The following RIMBP2 variants were observed in gnomAD, a reference collection of about 807,000 sequenced individuals.
The protein encoded by RIMBP2 is RIMS binding protein 2, also known as RIMS-binding protein 2.
A neutral mutation model predicts 118.6 loss-of-function variants in RIMBP2; 48 were observed. The observed-to-expected ratio is 0.40, with a 90% confidence interval of 0.32 to 0.51. The LOEUF (loss-of-function observed/expected upper bound fraction) is 0.51. RIMBP2 is among the 20% of genes least tolerant of loss of function. The pLI, the probability that RIMBP2 is intolerant of heterozygous loss-of-function variation, is 0.41. For synonymous variants in RIMBP2, 762 were observed against 742.9 expected, an observed-to-expected ratio of 1.03 and a Z score of -0.42; for missense variants, 1,551 against 1,768.3, an observed-to-expected ratio of 0.88 and a Z score of 2.20.
chr12:130,414,112 A>G lies in RIMBP2; in HGVS notation c.3420+13T>C, dbSNP rs769963601. 4 of 1,613,912 alleles carry G rather than the reference A, an allele frequency of 2.5e-6. No individual in the cohort carries two copies. Among genetic ancestry groups the G allele is most frequent in the Admixed American group, 1.7e-5 (1 of 60,020 alleles). ...GGGGCTGATGAAGCCGCCCGCAGGC[A>G]GCCATCCCGCACCTTGATGATCTGG... On this transcript the variant is annotated intron_variant, in intron 18 of 22. Transcript: ENST00000690449.
intron 1 of RIMBP2, among the ~76,000 whole-genome samples, chr12:130,675,060 G>A (rs747961968): frequency 1.3e-5 from 2 of 152,128 alleles, no homozygotes; most frequent in African/African-American, 2.4e-5. Context: ...CCACCCATTC[G>A]TGTCAAAGAG....
intron 2 of RIMBP2, among the ~76,000 whole-genome samples, chr12:130,529,814 T>C (rs968997184): frequency 7.2e-5 from 11 of 152,026 alleles, no homozygotes; most frequent in Non-Finnish European, 1.6e-4. Context: ...GGCATTAGGT[T>C]CTCATAAGGA....
chr12:130,597,276 C>G (rs1349140303), intron 2 of RIMBP2, among the ~76,000 whole-genome samples: 1 of 152,234 alleles, frequency 6.6e-6, no homozygotes, highest in Admixed American at 6.5e-5. Flanking sequence ...CGGAGTCTCG[C>G]TCTGTCTCCC....
Position 130,424,163 on chromosome 12 carries a change from G to A in RIMBP2, c.3108C>T (p.Pro1036=). ...RAAAPHAKPP[P]RVAQGPLILG... ...ACACCAGGGGGCCTTGTGCGACTCT[G>A]GGAGGTGGCTTTGCGTGGGGGGCAG... is the stretch of plus-strand genomic sequence containing the variant. Residue 1036 remains proline, a synonymous_variant, in exon 16 of 23, where the codon CCC becomes CCT. Transcript: ENST00000690449. The surrounding 1 kb of genome is among the most constrained non-coding windows in gnomAD (Gnocchi z 9.8). The A allele has an allele frequency of 8.1e-7, 1 of 1,232,100 alleles. No homozygotes were observed. The highest frequency in any genetic ancestry group is 1.0e-6 in the Non-Finnish European group (1 of 987,936). 76.3% of individuals were successfully genotyped at this position (1,232,100 alleles called of 1,614,324 possible).
At chr12:130,709,644 G>A (rs975485352) in intron 1 of RIMBP2, among the ~76,000 whole-genome samples, 2 of 152,178 alleles carry the variant, frequency 1.3e-5, no homozygotes, top group Non-Finnish European at 2.9e-5. Flanking sequence ...CGTCCAAGGA[G>A]GTACAGGGGC....
chr12:130,566,861 C>T (rs1443094744), intron 2 of RIMBP2, among the ~76,000 whole-genome samples: 1 of 152,222 alleles, frequency 6.6e-6, no homozygotes, highest in Non-Finnish European at 1.5e-5. Flanking sequence ...CAATACCATG[C>T]TGCTCAATGT....
intron 17 of RIMBP2, among the ~76,000 whole-genome samples, chr12:130,417,137 A>T (rs903237550): frequency 3.3e-5 from 5 of 152,196 alleles, no homozygotes; most frequent in Non-Finnish European, 5.9e-5. Context: ...TGTATATACC[A>T]TTGGAGGGAA....
At chr12:130,464,863 G>T (rs1804467792) in intron 6 of RIMBP2, 1 of 152,268 alleles carries the variant, frequency 6.6e-6, no homozygotes, top group Non-Finnish European at 1.5e-5. Context: ...AGCCAGGCAG[G>T]GCTGGTTCCC....
chr12:130,502,907 C>T (rs928193009), intron 4 of RIMBP2, among the ~76,000 whole-genome samples: 10 of 152,118 alleles, frequency 6.6e-5, no homozygotes, highest in Admixed American at 1.3e-4. Context: ...CCGATGTACC[C>T]CTTTCCCTTG....
chr12:130,471,205 G>A (rs1452016739), intron 5 of RIMBP2, among the ~76,000 whole-genome samples: 2 of 152,356 alleles, frequency 1.3e-5, no homozygotes, highest in East Asian at 3.9e-4. Flanking sequence ...CTGTGGCAGG[G>A]CCGCCCTCTT....
rs578005446 is a variant in RIMBP2 at position 130,622,471 on chromosome 12, C to T, written c.-217+5851G>A. 6.6e-6 allele frequency among the ~76,000 whole-genome samples: 1 copy of T among 151,926 alleles called. No homozygotes were observed. Among genetic ancestry groups the T allele is most frequent in the Non-Finnish European group, 1.5e-5 (1 of 67,980 alleles). ...CACTAATTGTACGTATAATTCTCTA[C>T]TATTTTTCATATATTTATATATAAT... On this transcript the variant is annotated intron_variant, in intron 2 of 22. Coordinates refer to ENST00000690449, the MANE Select transcript of RIMBP2 (RefSeq NM_001393629.1). The surrounding 1 kb of genome is among the most constrained non-coding windows in gnomAD (Gnocchi z 8.5).
intron 15 of RIMBP2, chr12:130,425,126 C>T (rs2136783665): frequency 5.8e-6 from 2 of 345,658 alleles, no homozygotes; most frequent in South Asian, 1.5e-4. Context: ...TGCATCCAGC[C>T]AAGGAGAGGG....
At chr12:130,461,418 C>A (rs968386414) in intron 6 of RIMBP2, among the ~76,000 whole-genome samples, 9 of 152,210 alleles carry the variant, frequency 5.9e-5, no homozygotes, top group Admixed American at 4.6e-4. Flanking sequence ...TCCAAAGGGG[C>A]CGGTGCCTCG....
intron 2 of RIMBP2, among the ~76,000 whole-genome samples, chr12:130,597,797 A>C (rs2059642582): frequency 6.6e-6 from 1 of 152,224 alleles, no homozygotes; most frequent in Non-Finnish European, 1.5e-5. Context: ...TAAGGTAAAA[A>C]ATTGACTGCT....
At chr12:130,587,767 CATGTATACAT>C (rs2059000902) in intron 2 of RIMBP2, among the ~76,000 whole-genome samples, 1 of 125,724 alleles carries the variant, frequency 8.0e-6, no homozygotes. Flanking sequence ...CAGCCTGGCA[CATGTATACAT>C]ATGTAACTAA....
chr12:130,452,796 C>A (rs572136379), intron 7 of RIMBP2, among the ~76,000 whole-genome samples: 1 of 152,178 alleles, frequency 6.6e-6, no homozygotes. Context: ...TGCCTGACAC[C>A]GCGCCACAGT....
chr12:130,591,299 G>A (rs1043502077), intron 2 of RIMBP2, among the ~76,000 whole-genome samples: 1 of 152,190 alleles, frequency 6.6e-6, no homozygotes, highest in Non-Finnish European at 1.5e-5. Context: ...GATCTTGCAG[G>A]CTAGACTGTC....
chr12:130,406,887 T>C (rs761408606), intron 20 of RIMBP2, among the ~76,000 whole-genome samples: 19 of 127,648 alleles, frequency 1.5e-4, no homozygotes, highest in Non-Finnish European at 2.6e-4. Flanking sequence ...TCTCAAGCAG[T>C]CTGCCCACCT....
At chr12:130,653,787 T>C (rs1036135481) in intron 1 of RIMBP2, among the ~76,000 whole-genome samples, 1 of 152,222 alleles carries the variant, frequency 6.6e-6, no homozygotes, top group Non-Finnish European at 1.5e-5. Flanking sequence ...CTTAACAACA[T>C]GTGGAAGCCC....
Sources: gnomAD v4.1 joint callset for allele counts (sites outside exome capture counted in the v4.1 genomes callset) on GRCh38, gnomAD v4.1.1 for gene constraint, Gnocchi (gnomAD v3.1) non-coding constraint, MANE v1.5 for transcripts, NCBI Gene and HGNC (gene_info 2026-07-23, HGNC 2026-07-21) for gene names.